PRICKLE2: variants seen among roughly 807,000 people sequenced by gnomAD.
PRICKLE2 encodes prickle-like protein 2.
PRICKLE2 carries 21 observed loss-of-function variants against 81.4 expected under a neutral mutation model. The observed-to-expected ratio is 0.26, with a 90% CI of 0.18 to 0.37. PRICKLE2 has a LOEUF of 0.37. PRICKLE2 is among the 10% of genes least tolerant of loss of function. The pLI, the probability that PRICKLE2 is intolerant of heterozygous loss-of-function variation, is 1.00. For missense variants in PRICKLE2, 940 were observed against 1,109.0 expected (o/e 0.85, Z 2.16); for synonymous variants, 456 against 421.5 (o/e 1.08, Z -1.00).
In PRICKLE2 at chr3:64,192,077, C is replaced by A. The variant is rs1157996068; in HGVS notation, c.144+6707G>T. ...CAATTGGGATGTTCAGGGGAATCTG[C>A]TTAGAATACAAATCTTTAGGAGCAG... On this transcript the variant is annotated intron_variant, in intron 2 of 7. Transcript: ENST00000638394. Among the ~76,000 whole-genome samples the A allele has an allele frequency of 1.2e-4, 18 of 152,210 alleles. 1 individual carries two copies. Among genetic ancestry groups the A allele is most frequent in the Admixed American group, 1.2e-3 (18 of 15,278 alleles).
intron 2 of PRICKLE2, among the ~76,000 whole-genome samples, chr3:64,238,316 C>T (rs568225327): frequency 1.4e-4 from 21 of 151,866 alleles, no homozygotes; most frequent in African/African-American, 3.6e-4. Context: ...GGTGAAACCT[C>T]GTCTCTACTA....
chr3:64,225,212 A>G lies in PRICKLE2; in HGVS notation c.-343T>C. ...AGTATGACTTCTACTCTTCCTCTAG[A>G]TCAGCCTGAGTGCTCAGATCGCCTT... On this transcript the variant is annotated 5_prime_UTR_variant, in exon 1 of 8. Coordinates refer to ENST00000638394, the MANE Select transcript of PRICKLE2 (RefSeq NM_198859.4). 1 of 985,412 alleles carries G rather than the reference A, an allele frequency of 1.0e-6. No homozygotes were observed. The highest frequency in any genetic ancestry group is 1.2e-6 in the Non-Finnish European group (1 of 830,016). The allele number at this position is 985,412 out of a possible 1,614,324, so 61.0% of individuals were successfully genotyped here. A position where few individuals can be genotyped will look rare whatever the true frequency, so the allele number is the denominator to read the frequency against.
intron 7 of PRICKLE2, 178 bp downstream of exon 7, chr3:64,146,652 A>G (rs1575588577): frequency 1.5e-6 from 1 of 645,814 alleles, no homozygotes; most frequent in South Asian, 1.9e-5. Flanking sequence ...CTGAGGCAGG[A>G]GAATGGCGTG....
chr3:64,128,853 C>T (rs2077154584), intron 7 of PRICKLE2, among the ~76,000 whole-genome samples: 1 of 151,206 alleles, frequency 6.6e-6, no homozygotes, highest in South Asian at 2.1e-4. Flanking sequence ...CTCTCCTCCA[C>T]CAAAGAAACA....
chr3:64,185,907 CTT>C (rs1373758151), intron 2 of PRICKLE2, among the ~76,000 whole-genome samples: 8 of 152,340 alleles, frequency 5.3e-5, no homozygotes, highest in African/African-American at 1.9e-4. Flanking sequence ...CCCCAGAACT[CTT>C]GTCAATCCTT....
intron 2 of PRICKLE2, among the ~76,000 whole-genome samples, chr3:64,173,898 T>C (rs1002714889): frequency 6.6e-6 from 1 of 152,190 alleles, no homozygotes; most frequent in Non-Finnish European, 1.5e-5. Context: ...CCCTCCTGTC[T>C]CCTTTCTAAA....
intron 7 of PRICKLE2, among the ~76,000 whole-genome samples, chr3:64,130,649 C>T (rs1384398212): frequency 6.6e-6 from 1 of 152,184 alleles, no homozygotes; most frequent in Non-Finnish European, 1.5e-5. Flanking sequence ...CACGAATTAT[C>T]CCAGAAGCTG....
chr3:64,134,081 G>T lies in PRICKLE2; in HGVS notation c.1660+12749C>A, dbSNP rs75509789. ...TGAATTTTCCATGTACTGGGCAGGC[G>T]GTGAAGTGCTCCACGCATGTTACCC... On this transcript the variant is annotated intron_variant, in intron 7 of 7. Coordinates refer to ENST00000638394, the MANE Select transcript of PRICKLE2 (RefSeq NM_198859.4). Among the ~76,000 whole-genome samples, 72 of 152,136 alleles carry T rather than the reference G, an allele frequency of 4.7e-4. 1 individual carries two copies. The highest frequency in any genetic ancestry group is 3.2e-4 in the Non-Finnish European group (22 of 68,036).
intron 7 of PRICKLE2, among the ~76,000 whole-genome samples, chr3:64,105,298 C>T (rs536376653): frequency 1.7e-4 from 26 of 152,316 alleles, no homozygotes; most frequent in African/African-American, 6.3e-4. Context: ...CTCACCCTGA[C>T]TTATTAAGGT....
At chr3:64,161,297 G>A (rs1308140501) in intron 3 of PRICKLE2, among the ~76,000 whole-genome samples, 2 of 152,078 alleles carry the variant, frequency 1.3e-5, no homozygotes, top group African/African-American at 4.8e-5. Flanking sequence ...CCACACTTTG[G>A]GAAACACGGT....
intron 2 of PRICKLE2, among the ~76,000 whole-genome samples, chr3:64,188,713 C>T (rs1001702889): frequency 1.3e-5 from 2 of 152,170 alleles, no homozygotes; most frequent in African/African-American, 4.8e-5. Context: ...TCAAATCAGG[C>T]CCCCTTCCTG....
intron 7 of PRICKLE2, among the ~76,000 whole-genome samples, chr3:64,130,867 G>A (rs969544497): frequency 6.6e-6 from 1 of 152,180 alleles, no homozygotes; most frequent in South Asian, 2.1e-4. Flanking sequence ...GGCCAAAGTT[G>A]ACAACCAGTG....
At chr3:64,135,588 G>A (rs970794974) in intron 7 of PRICKLE2, among the ~76,000 whole-genome samples, 2 of 152,178 alleles carry the variant, frequency 1.3e-5, no homozygotes, top group African/African-American at 4.8e-5. Flanking sequence ...TGCTCAGCCT[G>A]ATTTGTGATA....
At chr3:64,104,348 C>T (rs529570369) in intron 7 of PRICKLE2, 6 of 152,336 alleles carry the variant, frequency 3.9e-5, no homozygotes, top group African/African-American at 1.4e-4. Context: ...AAACTCATGT[C>T]TAGAAACAAA....
At chr3:64,260,891 T>A (rs934161832) in intron 2 of PRICKLE2, among the ~76,000 whole-genome samples, 2 of 152,180 alleles carry the variant, frequency 1.3e-5, no homozygotes, top group African/African-American at 4.8e-5. Context: ...TCCAAAGCCA[T>A]TTGTGGGAGT....
intron 3 of PRICKLE2, among the ~76,000 whole-genome samples, chr3:64,160,943 A>T (rs1014596795): frequency 1.0e-4 from 13 of 128,146 alleles, no homozygotes; most frequent in African/African-American, 3.4e-4. Context: ...ATCACCCGTA[A>T]AAACAAAAAC....
chr3:64,229,428 C>CT (rs2107159175), upstream of PRICKLE2, among the ~76,000 whole-genome samples: 1 of 152,240 alleles, frequency 6.6e-6, no homozygotes, highest in East Asian at 1.9e-4. Flanking sequence ...TTTTAAATCT[C>CT]TGTTTCTACA....
chr3:64,104,174 C>G (rs1258706355), intron 7 of PRICKLE2, among the ~76,000 whole-genome samples: 2 of 152,176 alleles, frequency 1.3e-5, no homozygotes, highest in Non-Finnish European at 2.9e-5. Context: ...GCTTACTCTG[C>G]TGCTTATCTC....
intron 2 of PRICKLE2, 113 bp downstream of exon 2, chr3:64,198,670 AC>A (rs2078509092): frequency 8.5e-7 from 1 of 1,176,532 alleles, no homozygotes; most frequent in Non-Finnish European, 1.3e-6. Flanking sequence ...ATTTAGCCCT[AC>A]CACTTCTCTG....
Sources: gnomAD v4.1 joint callset for allele counts (sites outside exome capture counted in the v4.1 genomes callset) on GRCh38, gnomAD v4.1.1 for gene constraint, MANE v1.5 for transcripts, NCBI Gene and HGNC (gene_info 2026-07-23, HGNC 2026-07-21) for gene names.